Variants in PER3 observed in about 807,000 individuals in gnomAD.
The protein encoded by PER3 is period circadian protein homolog 3.
A neutral mutation model predicts 127.2 loss-of-function variants in PER3; 107 were observed. The observed-to-expected ratio is 0.84, with a 90% CI of 0.72 to 0.99. The LOEUF is 0.99. Ranked by LOEUF, PER3 falls within the 50% of genes least tolerant of loss-of-function variation. The probability of loss-of-function intolerance (pLI) is 0.00; values close to 1 mark genes in which losing one functional copy is unlikely to be tolerated. For synonymous variants in PER3, 618 were observed against 585.8 expected, an observed-to-expected ratio of 1.05 and a Z score of -0.79; for missense variants, 1,560 against 1,525.8, an observed-to-expected ratio of 1.02 and a Z score of -0.37.
At chr1:7,806,812 A>AAATATATATAT (rs61141023) in intron 10 of PER3, among the ~76,000 whole-genome samples, 8 of 60,630 alleles carry the variant, frequency 1.3e-4, no homozygotes, top group African/African-American at 3.4e-4. Flanking sequence ...AAAAAAAAAA[A>AAATATATATAT]ATATATATAT....
At chr1:7,799,267 C>G (rs985092224) in intron 7 of PER3, among the ~76,000 whole-genome samples, 16 of 152,050 alleles carry the variant, frequency 1.1e-4, no homozygotes, top group Non-Finnish European at 2.1e-4. Context: ...GCACAAAACT[C>G]AAAAGCTTAG....
intron 13 of PER3, among the ~76,000 whole-genome samples, chr1:7,814,679 C>A (rs1052933540): frequency 3.4e-4 from 52 of 152,114 alleles, no homozygotes; most frequent in African/African-American, 1.1e-3. Context: ...AAAATAAATT[C>A]TATTTTTTAA....
chr1:7,819,039 C>T (rs1460533902), intron 13 of PER3, among the ~76,000 whole-genome samples: 1 of 152,190 alleles, frequency 6.6e-6, no homozygotes. Flanking sequence ...TGTTTCATTC[C>T]TTATTTTTCT....
chr1:7,803,216 T>G (rs2097178194), intron 9 of PER3, 63 bp downstream of exon 9: 1 of 1,026,432 alleles, frequency 9.7e-7, no homozygotes, highest in Non-Finnish European at 1.6e-6. Context: ...CTAATTTTTC[T>G]TTTCATCTCA....
chr1:7,823,828 A>G (rs1183159387), intron 16 of PER3, among the ~76,000 whole-genome samples: 1 of 152,236 alleles, frequency 6.6e-6, no homozygotes, highest in Non-Finnish European at 1.5e-5. Context: ...CGTGAGACCC[A>G]GTAACTGTAT....
intron 4 of PER3, chr1:7,787,322 G>T: frequency 4.4e-6 from 1 of 229,190 alleles, no homozygotes; most frequent in Non-Finnish European, 8.6e-6. Flanking sequence ...CTCTCTTCTT[G>T]TTTGACAGAG....
At chr1:7,806,812 AATAT>A (rs1553309917) in intron 10 of PER3, among the ~76,000 whole-genome samples, 28 of 60,630 alleles carry the variant, frequency 4.6e-4, no homozygotes, top group Middle Eastern at 9.4e-3. Context: ...AAAAAAAAAA[AATAT>A]ATATATATAT....
intron 16 of PER3, among the ~76,000 whole-genome samples, chr1:7,823,729 T>G (rs1343822193): frequency 6.6e-6 from 1 of 151,868 alleles, no homozygotes; most frequent in African/African-American, 2.4e-5. Context: ...ACTCCCTCTC[T>G]GCAACTGATA....
At chr1:7,838,053 C>G (rs2097366445) in intron 21 of PER3, among the ~76,000 whole-genome samples, 1 of 149,826 alleles carries the variant, frequency 6.7e-6, no homozygotes, top group Non-Finnish European at 1.5e-5. Flanking sequence ...TCAAAAAAGA[C>G]AAATAATTCG....
intron 13 of PER3, among the ~76,000 whole-genome samples, chr1:7,818,871 C>T (rs2097263359): frequency 6.6e-6 from 1 of 152,244 alleles, no homozygotes; most frequent in Non-Finnish European, 1.5e-5. Context: ...GTGTACTTCA[C>T]ACAGCATCAC....
intron 13 of PER3, among the ~76,000 whole-genome samples, chr1:7,818,638 A>G (rs921778004): frequency 3.9e-5 from 6 of 152,202 alleles, no homozygotes; most frequent in Non-Finnish European, 7.3e-5. Flanking sequence ...TCTTCTCTCT[A>G]AACTACTACA....
Position 7,830,213 on chromosome 1 carries a change from A to G in PER3, c.3214+52A>G, listed in dbSNP as rs779973405. 21 of 1,474,532 alleles carry G rather than the reference A, an allele frequency of 1.4e-5. 1 individual carries two copies. The East Asian group carries it at 2.3e-4, about 16-fold the overall frequency. The allele number at this position is 1,474,532 out of a possible 1,614,324, so 91.3% of individuals were successfully genotyped here. A position where few individuals can be genotyped will look rare whatever the true frequency, so the allele number is the denominator to read the frequency against. On this transcript the variant is annotated intron_variant, in intron 19 of 21. Coordinates refer to ENST00000377532, the MANE Select transcript of PER3 (RefSeq NM_001377275.1). Reference sequence around the variant, plus strand: ...CAAACTCCAATGCCAGACATTCACTATGTGCTGAGCTCTCACTGTGTGCCC... The same window carrying G: ...CAAACTCCAATGCCAGACATTCACTGTGTGCTGAGCTCTCACTGTGTGCCC...
At chr1:7,788,908 A>G (rs893933813) in intron 5 of PER3, among the ~76,000 whole-genome samples, 28 of 11,994 alleles carry the variant, frequency 2.3e-3, no homozygotes, top group African/African-American at 5.2e-3. Context: ...GTTTCTGGGG[A>G]AAAAAAAAAA....
chr1:7,798,707 A>T (rs780876595), intron 7 of PER3, 34 bp downstream of exon 7: 7 of 1,569,956 alleles, frequency 4.5e-6, no homozygotes, highest in African/African-American at 2.7e-5. Context: ...AAATGTCAGC[A>T]ATCAGATAGG....
chr1:7,842,778 A>T lies in PER3; in HGVS notation c.*23A>T, dbSNP rs1389082640. On this transcript the variant is annotated 3_prime_UTR_variant, in exon 22 of 22. Transcript: ENST00000377532. ...TGAGTGACTGTGAGGATGAACCTTCATACCCTTTCCAAGACGTGTTACACA... is the reference window on the plus strand; with the variant it reads ...TGAGTGACTGTGAGGATGAACCTTCTTACCCTTTCCAAGACGTGTTACACA... 1 of 1,606,070 alleles carries T rather than the reference A, an allele frequency of 6.2e-7. No individual in the cohort carries two copies. Among genetic ancestry groups the T allele is most frequent in the Admixed American group, 1.7e-5 (1 of 59,876 alleles).
intron 12 of PER3, 36 bp downstream of exon 12, chr1:7,810,057 C>T (rs2097212625): frequency 4.4e-6 from 7 of 1,591,524 alleles, no homozygotes; most frequent in East Asian, 2.3e-5. Context: ...ATACAGGCAT[C>T]GTGTTTTCTG....
intron 21 of PER3, among the ~76,000 whole-genome samples, chr1:7,841,470 C>T (rs1420060774): frequency 6.6e-6 from 1 of 152,160 alleles, no homozygotes; most frequent in Non-Finnish European, 1.5e-5. Context: ...GAATACGTGC[C>T]TTGTCCAAGG....
In PER3 at chr1:7,834,392, ATTG is replaced by A. The variant is rs1271652361; in HGVS notation, c.3215-1367_3215-1365del. Among the ~76,000 whole-genome samples the A allele has an allele frequency of 2.0e-5, 3 of 152,142 alleles. No homozygotes were observed. The East Asian group carries it at 5.8e-4, about 29-fold the overall frequency. ...AACGTGTAAAAAAACCCACAATAAC[ATTG>A]TTATTATTTTTGCTTTAAACAGTAA... On this transcript the variant is annotated intron_variant, in intron 19 of 21. Coordinates refer to ENST00000377532, the MANE Select transcript of PER3 (RefSeq NM_001377275.1).
At chr1:7,825,822 C>T (rs1041805425) in intron 16 of PER3, among the ~76,000 whole-genome samples, 10 of 150,686 alleles carry the variant, frequency 6.6e-5, no homozygotes, top group Admixed American at 2.0e-4. Context: ...ACTCAGGAAG[C>T]AGAGGTTGCA....
Sources: gnomAD v4.1 joint callset for allele counts (sites outside exome capture counted in the v4.1 genomes callset) on GRCh38, gnomAD v4.1.1 for gene constraint, MANE v1.5 for transcripts, NCBI Gene and HGNC (gene_info 2026-07-23, HGNC 2026-07-21) for gene names.